EDIL3: variants seen among roughly 807,000 people sequenced by gnomAD.
EDIL3 encodes the protein EGF-like repeat and discoidin I-like domain-containing protein 3.
EDIL3 carries 37 observed loss-of-function variants against 67.4 expected under a neutral mutation model. That is an observed-to-expected ratio of 0.55 (90% CI 0.42 to 0.72). EDIL3 has a LOEUF of 0.72. Among genes scored for constraint, EDIL3 ranks in the 30% least tolerant of loss-of-function variants. The pLI is 0.00. For missense variants in EDIL3, 527 were observed against 586.3 expected (o/e 0.90, Z 1.04); for synonymous variants, 195 against 196.3 (o/e 0.99, Z 0.05).
At chr5:84,059,660 G>C (rs1353164565) in intron 9 of EDIL3, among the ~76,000 whole-genome samples, 1 of 152,122 alleles carries the variant, frequency 6.6e-6, no homozygotes, top group East Asian at 1.9e-4. Flanking sequence ...GAATTGAGTT[G>C]TCTTACTTTT....
chr5:84,042,626 A>G (rs1746152860), intron 9 of EDIL3, among the ~76,000 whole-genome samples: 1 of 152,154 alleles, frequency 6.6e-6, no homozygotes, highest in South Asian at 2.1e-4. Flanking sequence ...AGTAAAAGTA[A>G]ACAGGCACAC....
At chr5:84,139,292 A>C (rs1318361511) in intron 4 of EDIL3, among the ~76,000 whole-genome samples, 1 of 139,796 alleles carries the variant, frequency 7.2e-6, no homozygotes, top group Non-Finnish European at 1.6e-5. Flanking sequence ...CTGTACAAAA[A>C]TGAAGGATGG....
At chr5:84,080,674 G>T (rs574904504) in intron 6 of EDIL3, among the ~76,000 whole-genome samples, 1 of 151,986 alleles carries the variant, frequency 6.6e-6, no homozygotes, top group Non-Finnish European at 1.5e-5. Flanking sequence ...CCTCAAAAAG[G>T]CATAGTACTA....
At chr5:84,063,036 G>C (rs770783360) in intron 8 of EDIL3, among the ~76,000 whole-genome samples, 2 of 152,074 alleles carry the variant, frequency 1.3e-5, no homozygotes, top group South Asian at 4.1e-4. Context: ...GCTGTGCTGG[G>C]AGATGCAGCA....
chr5:83,949,553 G>A (rs1178300214), intron 10 of EDIL3, among the ~76,000 whole-genome samples: 1 of 151,772 alleles, frequency 6.6e-6, no homozygotes, highest in Admixed American at 6.6e-5. Context: ...TGTCTTCTTT[G>A]CAAGAAACAT....
chr5:84,168,225 CATT>C (rs1338927107), intron 4 of EDIL3, among the ~76,000 whole-genome samples: 2 of 152,040 alleles, frequency 1.3e-5, no homozygotes, highest in East Asian at 3.9e-4. Context: ...TTTTTAAAAT[CATT>C]GTTGTATTTT....
intron 9 of EDIL3, among the ~76,000 whole-genome samples, chr5:83,980,203 T>C (rs1744945334): frequency 6.6e-6 from 1 of 152,052 alleles, no homozygotes; most frequent in African/African-American, 2.4e-5. Flanking sequence ...CCTGAGATTG[T>C]ACCATCTAAA....
chr5:84,148,516 C>G (rs1748327164), intron 4 of EDIL3, among the ~76,000 whole-genome samples: 1 of 152,114 alleles, frequency 6.6e-6, no homozygotes, highest in Admixed American at 6.6e-5. Context: ...GCTGATAGAT[C>G]ACTGACATCT....
chr5:84,220,113 T>C (rs909923891), intron 3 of EDIL3, among the ~76,000 whole-genome samples: 1 of 152,136 alleles, frequency 6.6e-6, no homozygotes, highest in Non-Finnish European at 1.5e-5. Flanking sequence ...AAGAGTATAA[T>C]TGGATCATTT....
intron 4 of EDIL3, among the ~76,000 whole-genome samples, chr5:84,145,480 A>C (rs935554063): frequency 6.6e-6 from 1 of 152,092 alleles, no homozygotes; most frequent in Non-Finnish European, 1.5e-5. Flanking sequence ...CTGGAGAGTT[A>C]ATAGAGAACT....
At chr5:84,250,194 G>T (rs988024165) in intron 2 of EDIL3, among the ~76,000 whole-genome samples, 1 of 152,128 alleles carries the variant, frequency 6.6e-6, no homozygotes, top group Non-Finnish European at 1.5e-5. Flanking sequence ...CTTTTTCTTT[G>T]CTTTGTTTGA....
At chr5:84,203,365 C>T (rs1242314092) in intron 3 of EDIL3, among the ~76,000 whole-genome samples, 1 of 151,746 alleles carries the variant, frequency 6.6e-6, no homozygotes, top group South Asian at 2.1e-4. Flanking sequence ...TAAATTTCTT[C>T]AGATAAAAAA....
chr5:83,945,835 A>T (rs567099595), intron 10 of EDIL3, among the ~76,000 whole-genome samples: 218 of 152,104 alleles, frequency 1.4e-3, no homozygotes, highest in Non-Finnish European at 2.6e-3. Flanking sequence ...AACAGCCGAA[A>T]TCTATACTAG....
chr5:84,165,875 G>A (rs1055654278), intron 4 of EDIL3, among the ~76,000 whole-genome samples: 1 of 152,126 alleles, frequency 6.6e-6, no homozygotes, highest in African/African-American at 2.4e-5. Context: ...ATTAAAACAT[G>A]TATATGTGCA....
chr5:84,139,409 A>G (rs1748151071), intron 4 of EDIL3, among the ~76,000 whole-genome samples: 1 of 152,106 alleles, frequency 6.6e-6, no homozygotes, highest in African/African-American at 2.4e-5. Context: ...ATAAAATCTC[A>G]GCTCTCTTTG....
chr5:84,179,370 A>G (rs1281753599), intron 4 of EDIL3, among the ~76,000 whole-genome samples: 1 of 152,162 alleles, frequency 6.6e-6, no homozygotes, highest in African/African-American at 2.4e-5. Flanking sequence ...GACAATTCCA[A>G]GTAGTTTAGA....
rs139819478 is a variant in EDIL3 at position 84,325,431 on chromosome 5, G to C, written c.67+58877C>G. ...GGAAAATGTGAAGAAAAACTTCAAT[G>C]AGATATCACCTCACAACCATTAGGA... On this transcript the variant is annotated intron_variant, in intron 1 of 10. Transcript: ENST00000296591. Among the ~76,000 whole-genome samples, 216 of 151,972 alleles carry C rather than the reference G, an allele frequency of 1.4e-3. 1 individual carries two copies. Among genetic ancestry groups the C allele is most frequent in the Admixed American group, 3.0e-3 (46 of 15,254 alleles).
At chr5:84,265,432 C>T (rs544855694) in intron 1 of EDIL3, among the ~76,000 whole-genome samples, 1 of 152,262 alleles carries the variant, frequency 6.6e-6, no homozygotes, top group African/African-American at 2.4e-5. Context: ...AAGTGGTACT[C>T]TTTCAACTGA....
chr5:84,060,782 A>C (rs554773262), intron 8 of EDIL3, among the ~76,000 whole-genome samples: 4 of 152,268 alleles, frequency 2.6e-5, no homozygotes, highest in African/African-American at 9.6e-5. Flanking sequence ...ACAATGCTGA[A>C]ATGCTCTCTC....
Sources: gnomAD v4.1 joint callset for allele counts (sites outside exome capture counted in the v4.1 genomes callset) on GRCh38, gnomAD v4.1.1 for gene constraint, MANE v1.5 for transcripts, NCBI Gene and HGNC (gene_info 2026-07-23, HGNC 2026-07-21) for gene names.